Variants in SNX7 observed in about 807,000 individuals in gnomAD.
SNX7 encodes the protein sorting nexin-7.
A neutral mutation model predicts 48.4 loss-of-function variants in SNX7; 35 were observed. That is an observed-to-expected ratio of 0.72 (90% CI 0.55 to 0.96). The LOEUF is 0.96. SNX7 is among the 40% of genes least tolerant of loss of function. The pLI, the probability that SNX7 is intolerant of heterozygous loss-of-function variation, is 0.00. For missense variants in SNX7, 553 were observed against 548.9 expected (o/e 1.01, Z -0.07); for synonymous variants, 190 against 190.2 (o/e 1.00, Z 0.01).
chr1:98,705,447 A>G (rs1344948522), intron 7 of SNX7, among the ~76,000 whole-genome samples: 1 of 152,168 alleles, frequency 6.6e-6, no homozygotes, highest in Non-Finnish European at 1.5e-5. Flanking sequence ...GTACCTTTCT[A>G]ATAGGCTTGT....
intron 8 of SNX7, among the ~76,000 whole-genome samples, chr1:98,756,675 T>C (rs1654874039): frequency 6.6e-6 from 1 of 151,816 alleles, no homozygotes; most frequent in Non-Finnish European, 1.5e-5. Context: ...TCTCCAGAGC[T>C]TTCCATGCAC....
chr1:98,703,241 C>CT (rs1285036597), intron 7 of SNX7, among the ~76,000 whole-genome samples: 1 of 152,064 alleles, frequency 6.6e-6, no homozygotes, highest in African/African-American at 2.4e-5. Flanking sequence ...ATATTGAAGG[C>CT]TTGAAGCATG....
intron 1 of SNX7, among the ~76,000 whole-genome samples, chr1:98,677,067 T>C (rs1308192410): frequency 1.3e-5 from 2 of 152,190 alleles, no homozygotes; most frequent in Non-Finnish European, 2.9e-5. Context: ...ATCACTACTT[T>C]AGGGGAACAA....
At chr1:98,732,602 T>A (rs1206592349) in intron 7 of SNX7, among the ~76,000 whole-genome samples, 1 of 152,136 alleles carries the variant, frequency 6.6e-6, no homozygotes, top group Non-Finnish European at 1.5e-5. Flanking sequence ...CAGCTTAATT[T>A]TTTTCCTTTA....
At chr1:98,728,292 C>A (rs1477981375) in intron 7 of SNX7, among the ~76,000 whole-genome samples, 2 of 152,102 alleles carry the variant, frequency 1.3e-5, no homozygotes, top group African/African-American at 4.8e-5. Context: ...AACTAAGCTT[C>A]ATAAGTGAAG....
At chr1:98,735,097 CT>C (rs1391715410) in intron 7 of SNX7, among the ~76,000 whole-genome samples, 6 of 152,082 alleles carry the variant, frequency 3.9e-5, no homozygotes, top group African/African-American at 1.4e-4. Flanking sequence ...TATTCTCCCC[CT>C]CAGATTAACT....
intron 7 of SNX7, among the ~76,000 whole-genome samples, chr1:98,717,400 T>G (rs1431735265): frequency 1.3e-5 from 2 of 152,186 alleles, no homozygotes; most frequent in Non-Finnish European, 2.9e-5. Flanking sequence ...CATGCAGGAA[T>G]TTTTGAAGCA....
At chr1:98,694,290 A>C (rs1335142364) in intron 4 of SNX7, among the ~76,000 whole-genome samples, 1 of 151,698 alleles carries the variant, frequency 6.6e-6, no homozygotes, top group African/African-American at 2.4e-5. Context: ...GAATGGCATG[A>C]ACCCGGGAGG....
intron 7 of SNX7, among the ~76,000 whole-genome samples, chr1:98,731,066 A>C (rs534377907): frequency 6.6e-6 from 1 of 152,002 alleles, no homozygotes; most frequent in Non-Finnish European, 1.5e-5. Context: ...GCAGCAAACC[A>C]CCATGGCACA....
At chr1:98,748,591 T>C (rs1040973682) in intron 8 of SNX7, among the ~76,000 whole-genome samples, 6 of 151,596 alleles carry the variant, frequency 4.0e-5, no homozygotes. Context: ...CTACATACTA[T>C]GGGCCAATAT....
intron 2 of SNX7, 67 bp downstream of exon 2, chr1:98,685,134 C>T: frequency 1.0e-6 from 1 of 972,576 alleles, no homozygotes; most frequent in Non-Finnish European, 1.4e-6. Flanking sequence ...GTAAGTACCT[C>T]TTGTTCATTA....
At chr1:98,721,901 A>G (rs945168885) in intron 7 of SNX7, among the ~76,000 whole-genome samples, 5 of 151,788 alleles carry the variant, frequency 3.3e-5, no homozygotes, top group African/African-American at 1.2e-4. Flanking sequence ...TCTTTTTAAT[A>G]GAAATATATT....
At chr1:98,680,329 C>T (rs911467743) in intron 1 of SNX7, among the ~76,000 whole-genome samples, 1 of 152,164 alleles carries the variant, frequency 6.6e-6, no homozygotes, top group Non-Finnish European at 1.5e-5. Flanking sequence ...GCCCACAAAA[C>T]CACCTTTTCC....
In SNX7 at chr1:98,703,538, A is replaced by T. The variant is rs145269397; in HGVS notation, c.1125+1635A>T. Among the ~76,000 whole-genome samples, 7 of 152,182 alleles carry T rather than the reference A, an allele frequency of 4.6e-5. No individual in the cohort carries two copies. The East Asian group carries it at 1.4e-3, about 29-fold the overall frequency. ...GAGAGGGAATAACAGAAAATGTAGA[A>T]CTAGATGAACTAGTGCTCAAGGGAA... On this transcript the variant is annotated intron_variant, in intron 7 of 8. Coordinates refer to ENST00000306121, the MANE Select transcript of SNX7 (RefSeq NM_015976.5).
At chr1:98,697,584 T>C (rs1421621469) in intron 5 of SNX7, among the ~76,000 whole-genome samples, 2 of 152,140 alleles carry the variant, frequency 1.3e-5, no homozygotes, top group African/African-American at 4.8e-5. Flanking sequence ...TATCAAACAC[T>C]GAATGGTCTT....
intron 8 of SNX7, among the ~76,000 whole-genome samples, chr1:98,742,719 C>T (rs1570600308): frequency 1.3e-5 from 2 of 151,966 alleles, no homozygotes; most frequent in South Asian, 4.1e-4. Flanking sequence ...CCCATATAAT[C>T]CTTTCTCCTA....
chr1:98,688,932 T>G (rs1386880362), intron 2 of SNX7, among the ~76,000 whole-genome samples: 1 of 152,086 alleles, frequency 6.6e-6, no homozygotes, highest in African/African-American at 2.4e-5. Flanking sequence ...CGAGACAGAG[T>G]CTCGCTCTGT....
At chr1:98,725,002 A>G (rs1365968119) in intron 7 of SNX7, among the ~76,000 whole-genome samples, 3 of 152,144 alleles carry the variant, frequency 2.0e-5, no homozygotes, top group Non-Finnish European at 2.9e-5. Context: ...ACATATTTTA[A>G]TATGGTGTAC....
At chr1:98,722,884 A>G (rs1477116033) in intron 7 of SNX7, among the ~76,000 whole-genome samples, 1 of 152,186 alleles carries the variant, frequency 6.6e-6, no homozygotes, top group Non-Finnish European at 1.5e-5. Context: ...ATACACATCT[A>G]TGTAAAGAAA....
Sources: allele counts gnomAD v4.1 joint callset (sites outside exome capture counted in the v4.1 genomes callset), GRCh38; gene constraint gnomAD v4.1.1; transcripts MANE v1.5; gene names NCBI Gene and HGNC (gene_info 2026-07-23, HGNC 2026-07-21).